The following EZR variants were observed in gnomAD, a reference collection of about 807,000 sequenced individuals.
EZR encodes ezrin.
Under a neutral mutation model 74.8 loss-of-function variants are expected in EZR, and 40 were observed. The observed-to-expected ratio is 0.53, with a 90% CI of 0.42 to 0.70. The LOEUF (loss-of-function observed/expected upper bound fraction) is 0.70, where lower values mean the gene tolerates loss of function less well. Among genes scored for constraint, EZR ranks in the 30% least tolerant of loss-of-function variants. The pLI is 0.00. For missense variants in EZR, 678 were observed against 755.8 expected (o/e 0.90, Z 1.21); for synonymous variants, 341 against 283.3 (o/e 1.20, Z -2.05).
chr6:158,818,245 A>C (rs1777606459), intron 1 of EZR, 79 bp from the exon 2 acceptor site: 1 of 740,786 alleles, frequency 1.3e-6, no homozygotes. Context: ...CGGCGCCCGC[A>C]GCGCGCTGCC....
rs115308913 is a variant in EZR at position 158,785,271 on chromosome 6, T to A, written c.467+38A>T. On this transcript the variant is annotated intron_variant, in intron 5 of 13. Coordinates refer to ENST00000367075, the MANE Select transcript of EZR (RefSeq NM_001111077.2). ...TCACTTCTCCCTGCCGAGGACGGCATGACTGCTCCTGCCCAGGCCGGGTCA... is the reference window on the plus strand; with the variant it reads ...TCACTTCTCCCTGCCGAGGACGGCAAGACTGCTCCTGCCCAGGCCGGGTCA... 544 of 1,605,116 alleles carry A rather than the reference T, an allele frequency of 3.4e-4. 4 individuals carry two copies. In the African/African-American group the frequency reaches 6.6e-3, roughly 20 times the overall value.
chr6:158,785,226 A>G lies in EZR; in HGVS notation c.467+83T>C, dbSNP rs1791542944. ...ACACTGGCGAAGTCCTTGTGTTTTT[A>G]AACTGTGCTTCTAAGGCAATCACTT... On this transcript the variant is annotated intron_variant, in intron 5 of 13. Transcript: ENST00000367075. 1.9e-6 allele frequency: 3 copies of G among 1,547,992 alleles called. No individual in the cohort carries two copies. In the East Asian group the frequency reaches 6.8e-5, roughly 35 times the overall value.
Position 158,767,494 on chromosome 6 carries a change from C to T in EZR, c.1363G>A (p.Asp455Asn). 1 of 1,593,238 alleles carries T rather than the reference C, an allele frequency of 6.3e-7. No homozygotes were observed. Among genetic ancestry groups the T allele is most frequent in the Admixed American group, 1.7e-5 (1 of 57,194 alleles). Residue 455 changes from aspartate (D) to asparagine (N), a missense_variant, in exon 13 of 14, where the codon GAC (aspartate) becomes AAC (asparagine). By Grantham distance (23) the Asp-to-Asn change is conservative. Transcript: ENST00000367075. ...WQHRAKEAQDDLVKTKEELHL... is the reference protein window; with the variant it reads ...WQHRAKEAQDNLVKTKEELHL... ...AGCTCCTCCTTGGTCTTCACCAGGT[C>T]ATCCTGGGCTTCTTTGGCCTTTGGA...
Position 158,807,105 on chromosome 6 carries a change from G to A in EZR, c.12+10977C>T, listed in dbSNP as rs1005882732. ...AGGCGGGCGGATCATGAGGTCAGGA[G>A]ATCAAGACTGTCCTGGCTAACATGG... On this transcript the variant is annotated intron_variant, in intron 2 of 13. Transcript: ENST00000367075. Among the ~76,000 whole-genome samples the A allele has an allele frequency of 9.2e-5, 14 of 152,240 alleles. No homozygotes were observed. The East Asian group carries it at 1.5e-3, about 17-fold the overall frequency.
intron 2 of EZR, among the ~76,000 whole-genome samples, chr6:158,808,565 A>G (rs1469030721): frequency 6.6e-6 from 1 of 152,238 alleles, no homozygotes; most frequent in Non-Finnish European, 1.5e-5. Context: ...GAATTTTATC[A>G]GGTACAAGTG....
chr6:158,786,353 G>A (rs551306619), intron 4 of EZR, among the ~76,000 whole-genome samples: 1 of 152,302 alleles, frequency 6.6e-6, no homozygotes, highest in East Asian at 1.9e-4. Flanking sequence ...CAGCCTGGGC[G>A]ACAGAGCAAG....
chr6:158,774,713 A>ACACACG (rs1791221095), intron 8 of EZR, among the ~76,000 whole-genome samples: 2 of 148,416 alleles, frequency 1.3e-5, no homozygotes, highest in South Asian at 2.2e-4. Context: ...ACACACACAC[A>ACACACG]CGCACAAACA....
intron 2 of EZR, among the ~76,000 whole-genome samples, chr6:158,804,763 C>CCT (rs1777296243): frequency 2.3e-5 from 3 of 132,106 alleles, no homozygotes; most frequent in Non-Finnish European, 5.2e-5. Context: ...TTCTTTTTTT[C>CCT]TTATTTTTTT....
intron 2 of EZR, among the ~76,000 whole-genome samples, chr6:158,813,964 A>G (rs1395453658): frequency 6.6e-6 from 1 of 152,178 alleles, no homozygotes; most frequent in African/African-American, 2.4e-5. Flanking sequence ...CACTGGGCAG[A>G]AGAAAGCAAG....
chr6:158,770,736 G>A (rs1328767135), intron 10 of EZR, 28 bp downstream of exon 10: 1 of 1,613,998 alleles, frequency 6.2e-7, no homozygotes. Flanking sequence ...ATGACCCAGT[G>A]TAGAGTGCCA....
chr6:158,807,477 TTGGAAA>T (rs1326489781), intron 2 of EZR, among the ~76,000 whole-genome samples: 6 of 152,146 alleles, frequency 3.9e-5, no homozygotes, highest in Non-Finnish European at 8.8e-5. Context: ...GTAAGTGGGT[TTGGAAA>T]TGATGGACTT....
At chr6:158,771,101 G>A (rs1791093516) in intron 9 of EZR, 143 bp downstream of exon 9, 3 of 1,351,314 alleles carry the variant, frequency 2.2e-6, no homozygotes, top group Non-Finnish European at 3.0e-6. Flanking sequence ...CAGAGACAAA[G>A]GCCTCGAAGA....
intron 6 of EZR, 51 bp downstream of exon 6, chr6:158,784,593 G>A (rs1397059864): frequency 6.7e-7 from 1 of 1,497,880 alleles, no homozygotes. Flanking sequence ...GAAAAGACAT[G>A]CTGGAGCGCA....
At position 158,804,755 on chromosome 6, in the gene EZR, CTTTTTTTCTTA is replaced by C. The variant is rs1405017858; in HGVS notation, c.12+13316_12+13326del. On this transcript the variant is annotated intron_variant, in intron 2 of 13. Coordinates refer to ENST00000367075, the MANE Select transcript of EZR (RefSeq NM_001111077.2). Reference sequence around the variant, plus strand: ...GAAGCCTGTGAAGAGTTTTTCCTTTCTTTTTTTCTTATTTTTTTTTATTATACTTTAAGTTT... The same window carrying C: ...GAAGCCTGTGAAGAGTTTTTCCTTTCTTTTTTTTTATTATACTTTAAGTTT... 3.6e-4 allele frequency among the ~76,000 whole-genome samples: 55 copies of C among 151,244 alleles called. No homozygotes were observed. In the Middle Eastern group the frequency reaches 0.01, roughly 28 times the overall value.
At chr6:158,783,126 C>G (rs1019972890) in intron 7 of EZR, among the ~76,000 whole-genome samples, 7 of 152,162 alleles carry the variant, frequency 4.6e-5, no homozygotes, top group African/African-American at 1.7e-4. Context: ...CATCAATATT[C>G]TTGGTTGGAT....
chr6:158,781,416 G>A (rs932606300), intron 7 of EZR, among the ~76,000 whole-genome samples: 2 of 152,192 alleles, frequency 1.3e-5, no homozygotes, highest in Admixed American at 6.5e-5. Context: ...TGGTGGGGGA[G>A]GGGGAGCAGA....
chr6:158,809,416 T>A (rs1232438435), intron 2 of EZR, among the ~76,000 whole-genome samples: 1 of 152,252 alleles, frequency 6.6e-6, no homozygotes, highest in Non-Finnish European at 1.5e-5. Flanking sequence ...AATTGCTTTC[T>A]TTTAGCATAT....
intron 2 of EZR, among the ~76,000 whole-genome samples, chr6:158,814,395 T>C (rs1777510363): frequency 1.2e-5 from 1 of 85,706 alleles, no homozygotes; most frequent in Non-Finnish European, 2.6e-5. Context: ...CGACGTTACC[T>C]AGGCTCTTTC....
chr6:158,808,590 T>C (rs940896279), intron 2 of EZR, among the ~76,000 whole-genome samples: 1 of 152,230 alleles, frequency 6.6e-6, no homozygotes, highest in African/African-American at 2.4e-5. Context: ...CGCACAGCCC[T>C]TACTGACCAG....
Sources: allele counts gnomAD v4.1 joint callset (sites outside exome capture counted in the v4.1 genomes callset), GRCh38; gene constraint gnomAD v4.1.1; transcripts MANE v1.5; gene names NCBI Gene and HGNC (gene_info 2026-07-23, HGNC 2026-07-21).